The following SLC25A21 variants were observed in gnomAD, a reference collection of about 807,000 sequenced individuals.
The protein encoded by SLC25A21 is mitochondrial 2-oxodicarboxylate carrier.
In SLC25A21, 47 loss-of-function variants were observed where a neutral mutation model predicts 43.8. That is an observed-to-expected ratio of 1.07 (90% CI 0.85 to 1.37). The LOEUF is 1.37. SLC25A21 is among the 40% of genes most tolerant of loss of function. The pLI is 0.00. For missense variants in SLC25A21, 352 were observed against 350.2 expected (o/e 1.00, Z -0.04); for synonymous variants, 131 against 121.3 (o/e 1.08, Z -0.52).
chr14:36,727,623 G>A (rs1181602759), intron 5 of SLC25A21, among the ~76,000 whole-genome samples: 1 of 152,178 alleles, frequency 6.6e-6, no homozygotes, highest in Non-Finnish European at 1.5e-5. Flanking sequence ...AGGAGGCGGA[G>A]GTTGCAGCGA....
At chr14:36,994,096 A>C (rs1206196417) in intron 1 of SLC25A21, among the ~76,000 whole-genome samples, 1 of 152,194 alleles carries the variant, frequency 6.6e-6, no homozygotes, top group African/African-American at 2.4e-5. Flanking sequence ...TTCACTTTCT[A>C]GTAACAGATT....
chr14:36,975,799 T>C (rs1454285482), intron 1 of SLC25A21, among the ~76,000 whole-genome samples: 1 of 152,136 alleles, frequency 6.6e-6, no homozygotes, highest in Non-Finnish European at 1.5e-5. Flanking sequence ...CTGAGGACCA[T>C]AGTTGACATC....
At chr14:36,982,214 T>A in intron 1 of SLC25A21, among the ~76,000 whole-genome samples, 1 of 152,242 alleles carries the variant, frequency 6.6e-6, no homozygotes, top group East Asian at 1.9e-4. Context: ...AAACTCATTT[T>A]CAAATAAGTT....
At chr14:36,699,105 G>C (rs1464908299) in intron 7 of SLC25A21, among the ~76,000 whole-genome samples, 1 of 150,738 alleles carries the variant, frequency 6.6e-6, no homozygotes, top group African/African-American at 2.4e-5. Context: ...ATGGGGTTTT[G>C]GTGTAGATGA....
At chr14:37,143,514 T>C (rs1479668082) in intron 1 of SLC25A21, among the ~76,000 whole-genome samples, 2 of 152,072 alleles carry the variant, frequency 1.3e-5, no homozygotes, top group African/African-American at 4.8e-5. Context: ...AACATAATAA[T>C]AATGTCAGCG....
chr14:37,084,724 C>T (rs749144632), intron 1 of SLC25A21, among the ~76,000 whole-genome samples: 23 of 152,156 alleles, frequency 1.5e-4, no homozygotes, highest in Non-Finnish European at 2.8e-4. Flanking sequence ...TTACAAGTCA[C>T]TTTGGGTACA....
intron 3 of SLC25A21, among the ~76,000 whole-genome samples, chr14:36,767,684 C>T (rs942013236): frequency 2.0e-5 from 3 of 152,298 alleles, no homozygotes; most frequent in East Asian, 3.9e-4. Context: ...TGCTCTTTTC[C>T]TCCCAATCCA....
intron 3 of SLC25A21, among the ~76,000 whole-genome samples, chr14:36,780,287 A>C (rs891012749): frequency 2.6e-5 from 4 of 151,816 alleles, no homozygotes. Flanking sequence ...ACTAACTTTG[A>C]GCTTCAATGA....
At chr14:37,162,463 A>G (rs1174502007) in intron 1 of SLC25A21, among the ~76,000 whole-genome samples, 1 of 60,952 alleles carries the variant, frequency 1.6e-5, no homozygotes, top group Non-Finnish European at 3.9e-5. Flanking sequence ...AAACAACCCC[A>G]TCAAAAAGTG....
chr14:36,691,694 TTAAAAA>T (rs1257131276), intron 7 of SLC25A21, among the ~76,000 whole-genome samples: 1 of 152,224 alleles, frequency 6.6e-6, no homozygotes, highest in African/African-American at 2.4e-5. Flanking sequence ...TTTAGAAAAA[TTAAAAA>T]TAAAAATAAA....
chr14:36,941,373 A>C (rs992312610), intron 1 of SLC25A21, among the ~76,000 whole-genome samples: 17 of 152,250 alleles, frequency 1.1e-4, no homozygotes, highest in African/African-American at 3.8e-4. Flanking sequence ...TTACACATTG[A>C]CTTTTTTAAA....
At chr14:36,923,071 T>C (rs369400760) in intron 1 of SLC25A21, among the ~76,000 whole-genome samples, 1 of 151,818 alleles carries the variant, frequency 6.6e-6, no homozygotes, top group Non-Finnish European at 1.5e-5. Flanking sequence ...ATAATAAACA[T>C]AGTCAAAGAT....
intron 3 of SLC25A21, among the ~76,000 whole-genome samples, chr14:36,740,244 A>G (rs1426583515): frequency 6.6e-6 from 1 of 152,204 alleles, no homozygotes; most frequent in Non-Finnish European, 1.5e-5. Flanking sequence ...CAGATTGTTT[A>G]TGCTGGGGAG....
chr14:37,023,460 G>T (rs2138757221), intron 1 of SLC25A21, among the ~76,000 whole-genome samples: 1 of 151,944 alleles, frequency 6.6e-6, no homozygotes, highest in East Asian at 1.9e-4. Flanking sequence ...CAATTTCCTT[G>T]TACTTTTGGT....
intron 1 of SLC25A21, among the ~76,000 whole-genome samples, chr14:36,960,437 T>C (rs1278728308): frequency 6.6e-6 from 1 of 152,116 alleles, no homozygotes; most frequent in Non-Finnish European, 1.5e-5. Context: ...TAAGAGATAA[T>C]ACTAGATAGA....
At chr14:37,100,518 T>C (rs1962797206) in intron 1 of SLC25A21, among the ~76,000 whole-genome samples, 1 of 152,246 alleles carries the variant, frequency 6.6e-6, no homozygotes. Context: ...GTATCTCAAC[T>C]GGAATATTTC....
At chr14:37,131,077 G>A (rs1253375892) in intron 1 of SLC25A21, among the ~76,000 whole-genome samples, 2 of 152,156 alleles carry the variant, frequency 1.3e-5, no homozygotes, top group Admixed American at 6.5e-5. Flanking sequence ...GACTAGTGAT[G>A]ACTAAACACG....
intron 1 of SLC25A21, among the ~76,000 whole-genome samples, chr14:37,096,620 T>C (rs999260286): frequency 3.9e-5 from 6 of 152,204 alleles, no homozygotes; most frequent in African/African-American, 1.4e-4. Flanking sequence ...AGTAATTCTT[T>C]TTTTCTGCTT....
At chr14:36,774,764 C>T (rs1290613809) in intron 3 of SLC25A21, among the ~76,000 whole-genome samples, 1 of 151,974 alleles carries the variant, frequency 6.6e-6, no homozygotes, top group Admixed American at 6.6e-5. Flanking sequence ...CAAGGTCTTG[C>T]TATGTTGCTC....
Sources: allele counts gnomAD v4.1 joint callset (sites outside exome capture counted in the v4.1 genomes callset), GRCh38; gene constraint gnomAD v4.1.1; transcripts MANE v1.5; gene names NCBI Gene and HGNC (gene_info 2026-07-23, HGNC 2026-07-21).